SH3RF2: variants seen among roughly 807,000 people sequenced by gnomAD.
SH3RF2 encodes the protein E3 ubiquitin-protein ligase SH3RF2.
In SH3RF2, 43 loss-of-function variants were observed where a neutral mutation model predicts 59.0. The ratio of observed to expected loss-of-function variants is 0.73; its 90% CI spans 0.57 to 0.94. SH3RF2 has a LOEUF of 0.94. Ranked by LOEUF, SH3RF2 falls within the 40% of genes least tolerant of loss-of-function variation. SH3RF2 has a pLI of 0.00. For synonymous variants in SH3RF2, 391 were observed against 391.5 expected (o/e 1.00, Z 0.01); for missense variants, 930 against 940.1 (o/e 0.99, Z 0.14).
chr5:146,014,287 G>A (rs534177636), intron 5 of SH3RF2, among the ~76,000 whole-genome samples: 3 of 152,258 alleles, frequency 2.0e-5, no homozygotes, highest in African/African-American at 2.4e-5. Context: ...ACAGTTGAGC[G>A]AACTTAGGTT....
chr5:146,032,090 G>A lies in SH3RF2; in HGVS notation c.1060-15682G>A, dbSNP rs574039654. ...CATCTATCTCTGCTTCCTTTATGGT[G>A]TATATTTTATTCGTCTGTTTTCTTG... On this transcript the variant is annotated intron_variant, in intron 5 of 9. Coordinates refer to ENST00000359120, the MANE Select transcript of SH3RF2 (RefSeq NM_152550.4). 2.6e-5 allele frequency among the ~76,000 whole-genome samples: 4 copies of A among 152,268 alleles called. No homozygotes were observed. In the East Asian group the frequency reaches 7.7e-4, roughly 29 times the overall value.
At position 146,055,439 on chromosome 5, in the gene SH3RF2, A is replaced by G. The variant is rs146180632; in HGVS notation, c.1323-542A>G. 1.4e-3 allele frequency among the ~76,000 whole-genome samples: 216 copies of G among 152,376 alleles called. 1 individual carries two copies. Among genetic ancestry groups the G allele is most frequent in the African/African-American group, 4.8e-3 (201 of 41,590 alleles). ...ATACCTGGCATACAGTAAGCACTCTATATGTGTTAGCCAAAATGATGTGTC... is the reference window on the plus strand; with the variant it reads ...ATACCTGGCATACAGTAAGCACTCTGTATGTGTTAGCCAAAATGATGTGTC... On this transcript the variant is annotated intron_variant, in intron 7 of 9. Coordinates refer to ENST00000359120, the MANE Select transcript of SH3RF2 (RefSeq NM_152550.4).
intron 9 of SH3RF2, among the ~76,000 whole-genome samples, chr5:146,072,435 G>C (rs909716395): frequency 2.0e-5 from 3 of 152,222 alleles, no homozygotes; most frequent in African/African-American, 7.2e-5. Flanking sequence ...CACTTTGGGA[G>C]GCTGAGGCAG....
intron 5 of SH3RF2, among the ~76,000 whole-genome samples, chr5:146,044,735 T>A (rs1392986539): frequency 1.3e-5 from 2 of 152,300 alleles, no homozygotes; most frequent in East Asian, 3.9e-4. Flanking sequence ...TCTCAGGGTC[T>A]TCCACTATCT....
chr5:146,054,943 C>A (rs772937807), intron 7 of SH3RF2, among the ~76,000 whole-genome samples: 1 of 151,928 alleles, frequency 6.6e-6, no homozygotes, highest in Non-Finnish European at 1.5e-5. Context: ...ATGGACTGCT[C>A]AATAGGAAAT....
chr5:146,028,328 G>A (rs1761617150), intron 5 of SH3RF2, among the ~76,000 whole-genome samples: 1 of 152,226 alleles, frequency 6.6e-6, no homozygotes. Flanking sequence ...GTATAGACAT[G>A]TGGGCACAGA....
intron 5 of SH3RF2, among the ~76,000 whole-genome samples, chr5:146,020,997 A>G (rs901025998): frequency 3.9e-5 from 6 of 152,170 alleles, no homozygotes; most frequent in African/African-American, 1.4e-4. Context: ...CATATTTGAA[A>G]TAGTCTGAAT....
intron 5 of SH3RF2, among the ~76,000 whole-genome samples, chr5:146,033,507 G>T (rs1761817442): frequency 4.1e-5 from 4 of 96,754 alleles, no homozygotes; most frequent in Admixed American, 1.5e-4. Flanking sequence ...TTTCACTCTT[G>T]TTGCCCAGGC....
At chr5:146,033,689 C>T (rs981782247) in intron 5 of SH3RF2, among the ~76,000 whole-genome samples, 2 of 151,842 alleles carry the variant, frequency 1.3e-5, no homozygotes, top group Admixed American at 1.3e-4. Flanking sequence ...AGGCTGGTCT[C>T]GAACTCCCGA....
chr5:146,048,239 C>A (rs1762375343), intron 6 of SH3RF2, among the ~76,000 whole-genome samples: 1 of 151,508 alleles, frequency 6.6e-6, no homozygotes, highest in Middle Eastern at 3.2e-3. Context: ...GGGTTGAGCC[C>A]AGGAGTTTGA....
intron 6 of SH3RF2, 118 bp downstream of exon 6, chr5:146,047,981 G>A (rs576861178): frequency 1.5e-5 from 15 of 982,424 alleles, no homozygotes; most frequent in South Asian, 4.6e-5. Flanking sequence ...ACAATAGGTC[G>A]CCTTCCTTTA....
chr5:145,941,994 G>C (rs1203865060), intron 2 of SH3RF2, among the ~76,000 whole-genome samples: 2 of 152,150 alleles, frequency 1.3e-5, no homozygotes, highest in African/African-American at 4.8e-5. Flanking sequence ...GACGGTCCTT[G>C]GTACCCTGAT....
chr5:146,055,383 C>T (rs1378516098), intron 7 of SH3RF2, among the ~76,000 whole-genome samples: 1 of 152,154 alleles, frequency 6.6e-6, no homozygotes, highest in East Asian at 1.9e-4. Context: ...GTAAAGAACC[C>T]ATGAGAAAAT....
At chr5:146,064,856 G>GA (rs1283178077), downstream of SH3RF2, among the ~76,000 whole-genome samples, 5 of 24,644 alleles carry the variant, frequency 2.0e-4, no homozygotes, top group Non-Finnish European at 5.2e-4. Flanking sequence ...AAGAAAGAAA[G>GA]AAAGAAAGAG....
At chr5:146,039,630 T>C (rs534173165) in intron 5 of SH3RF2, among the ~76,000 whole-genome samples, 1 of 152,342 alleles carries the variant, frequency 6.6e-6, no homozygotes, top group Non-Finnish European at 1.5e-5. Context: ...GGGGTAACAG[T>C]AATTGTCATT....
At chr5:145,994,247 T>C (rs1760063812) in intron 2 of SH3RF2, among the ~76,000 whole-genome samples, 1 of 152,236 alleles carries the variant, frequency 6.6e-6, no homozygotes, top group African/African-American at 2.4e-5. Context: ...GTCAATGTCA[T>C]TCAACAAGTC....
intron 2 of SH3RF2, among the ~76,000 whole-genome samples, chr5:145,945,395 G>A (rs1350678917): frequency 6.6e-6 from 1 of 152,104 alleles, no homozygotes; most frequent in Non-Finnish European, 1.5e-5. Flanking sequence ...GTACATTTTT[G>A]TATGTAAATT....
At chr5:146,018,829 TTGGATAAGGG>T (rs1761204492) in intron 5 of SH3RF2, among the ~76,000 whole-genome samples, 1 of 151,892 alleles carries the variant, frequency 6.6e-6, no homozygotes, top group Admixed American at 6.5e-5. Context: ...TCATTCTGAC[TTGGATAAGGG>T]TGGTATCTTA....
intron 8 of SH3RF2, among the ~76,000 whole-genome samples, chr5:146,059,387 T>G (rs1762798900): frequency 6.6e-6 from 1 of 151,816 alleles, no homozygotes; most frequent in African/African-American, 2.4e-5. Flanking sequence ...AGAGTTTTCC[T>G]CTCTCCTCCT....
Sources: allele counts gnomAD v4.1 joint callset (sites outside exome capture counted in the v4.1 genomes callset), GRCh38; gene constraint gnomAD v4.1.1; transcripts MANE v1.5; gene names NCBI Gene and HGNC (gene_info 2026-07-23, HGNC 2026-07-21).